ZCCHC7: variants seen among roughly 807,000 people sequenced by gnomAD.
ZCCHC7 encodes zinc finger CCHC domain-containing protein 7.
ZCCHC7 carries 35 observed loss-of-function variants against 52.0 expected under a neutral mutation model. That is an observed-to-expected ratio of 0.67 (90% confidence interval 0.51 to 0.89). ZCCHC7 has a LOEUF of 0.89. Among genes scored for constraint, ZCCHC7 ranks in the 40% least tolerant of loss-of-function variants. The probability of loss-of-function intolerance (pLI) is 0.00; values close to 1 mark genes in which losing one functional copy is unlikely to be tolerated. For missense variants in ZCCHC7, 574 were observed against 649.1 expected (o/e 0.88, Z 1.26); for synonymous variants, 217 against 221.5 (o/e 0.98, Z 0.18).
chr9:37,269,703 C>T (rs1407389593), intron 2 of ZCCHC7, among the ~76,000 whole-genome samples: 1 of 144,448 alleles, frequency 6.9e-6, no homozygotes, highest in Admixed American at 7.1e-5. Flanking sequence ...AGTGAGGTGA[C>T]AGTGAAGAAA....
chr9:37,229,868 G>A (rs1205563831), intron 2 of ZCCHC7, among the ~76,000 whole-genome samples: 1 of 152,128 alleles, frequency 6.6e-6, no homozygotes, highest in Non-Finnish European at 1.5e-5. Flanking sequence ...GTGTAGCTAT[G>A]CAAAAATAAT....
intron 6 of ZCCHC7, among the ~76,000 whole-genome samples, chr9:37,346,272 G>C (rs1820966211): frequency 6.6e-6 from 1 of 152,018 alleles, no homozygotes. Context: ...CAAAGTACAG[G>C]GATTATAGGC....
At chr9:37,323,904 G>A (rs1830144011) in intron 5 of ZCCHC7, among the ~76,000 whole-genome samples, 1 of 152,230 alleles carries the variant, frequency 6.6e-6, no homozygotes, top group South Asian at 2.1e-4. Context: ...GTAGCTATAA[G>A]TCTATGAAGA....
intron 3 of ZCCHC7, 94 bp downstream of exon 3, chr9:37,302,325 G>T: frequency 9.6e-7 from 1 of 1,040,204 alleles, no homozygotes; most frequent in East Asian, 2.4e-5. Context: ...AGTTTAAGTG[G>T]CTTATAAGAA....
Position 37,126,519 on chromosome 9 carries a change from G to T in ZCCHC7, c.187G>T (p.Glu63Ter), listed in dbSNP as rs1187099416. 2 of 1,613,870 alleles carry T rather than the reference G, an allele frequency of 1.2e-6. No homozygotes were observed. Among genetic ancestry groups the T allele is most frequent in the Admixed American group, 3.3e-5 (2 of 60,030 alleles). The change falls in exon 2 of 9, where the codon GAA becomes TAA. Residue 63 changes from glutamate (E) to a stop codon, truncating the protein, a stop_gained. Transcript: ENST00000336755. LOFTEE classifies it high-confidence loss of function. ...TGAAGAAAAGAACTCTGGGAATTCG[G>T]AATCTTCGAGTAGTAAACCAAATCA... is the stretch of plus-strand genomic sequence containing the variant. The part of the protein sequence containing the change: ...EHEEKNSGNS[E>*]SSSSKPNQKK...
rs574389267 is a variant in ZCCHC7, at chr9:37,226,842, A to G, written c.611-75346A>G. Among the ~76,000 whole-genome samples, 11 of 152,218 alleles carry G rather than the reference A, an allele frequency of 7.2e-5. No homozygotes were observed. In the South Asian group the frequency reaches 1.7e-3, roughly 23 times the overall value. On this transcript the variant is annotated intron_variant, in intron 2 of 8. Transcript: ENST00000336755. The stretch of plus-strand genomic sequence containing the variant: ...TCAGGAGATCGAGACCATTCTGGCT[A>G]ACAAGGTGAAACCCTGTCTCTACTA...
intron 2 of ZCCHC7, among the ~76,000 whole-genome samples, chr9:37,199,690 T>G (rs1823514113): frequency 1.5e-5 from 1 of 67,990 alleles, no homozygotes; most frequent in African/African-American, 5.6e-5. Flanking sequence ...CTGTCTGTCT[T>G]TCTGTCTGTC....
intron 2 of ZCCHC7, among the ~76,000 whole-genome samples, chr9:37,182,810 A>G (rs1822439914): frequency 6.6e-6 from 1 of 152,216 alleles, no homozygotes. Context: ...TGGTGGATAC[A>G]TTGTTAAATC....
chr9:37,294,685 A>G (rs1224290196), intron 2 of ZCCHC7, among the ~76,000 whole-genome samples: 1 of 152,194 alleles, frequency 6.6e-6, no homozygotes, highest in Non-Finnish European at 1.5e-5. Context: ...GTACTTATTC[A>G]TACAGTTGTC....
intron 2 of ZCCHC7, among the ~76,000 whole-genome samples, chr9:37,229,706 A>G (rs2133305023): frequency 6.6e-6 from 1 of 152,346 alleles, no homozygotes. Flanking sequence ...ACATTACTGT[A>G]AATTTTATAA....
chr9:37,252,779 A>G (rs973700805), intron 2 of ZCCHC7, among the ~76,000 whole-genome samples: 2 of 152,178 alleles, frequency 1.3e-5, no homozygotes, highest in Non-Finnish European at 2.9e-5. Flanking sequence ...AAGTGAGGAC[A>G]AACATAGTAC....
chr9:37,171,554 A>G (rs987556980), intron 2 of ZCCHC7, among the ~76,000 whole-genome samples: 19 of 152,030 alleles, frequency 1.2e-4, no homozygotes, highest in Non-Finnish European at 2.2e-4. Flanking sequence ...AGTAGCTGGG[A>G]CTACAGGTGC....
chr9:37,140,195 CT>C (rs907122746), intron 2 of ZCCHC7, among the ~76,000 whole-genome samples: 24 of 152,036 alleles, frequency 1.6e-4, no homozygotes, highest in African/African-American at 5.8e-4. Flanking sequence ...CACAAATGAA[CT>C]TTTGTCAATG....
At chr9:37,149,754 T>C (rs1843603128) in intron 2 of ZCCHC7, among the ~76,000 whole-genome samples, 1 of 152,220 alleles carries the variant, frequency 6.6e-6, no homozygotes, top group Non-Finnish European at 1.5e-5. Context: ...AGCTTGCCTT[T>C]ATATAAAAGT....
intron 2 of ZCCHC7, among the ~76,000 whole-genome samples, chr9:37,267,481 C>T (rs1445030437): frequency 2.0e-5 from 3 of 152,118 alleles, no homozygotes; most frequent in South Asian, 4.2e-4. Context: ...CTCACTTCAG[C>T]CTCGACCTCG....
chr9:37,214,484 G>T (rs1824401057), intron 2 of ZCCHC7, among the ~76,000 whole-genome samples: 1 of 151,648 alleles, frequency 6.6e-6, no homozygotes, highest in South Asian at 2.1e-4. Context: ...GTCTATTCAG[G>T]GTATTTTTAA....
At chr9:37,198,510 C>G (rs534482410) in intron 2 of ZCCHC7, among the ~76,000 whole-genome samples, 4 of 152,346 alleles carry the variant, frequency 2.6e-5, no homozygotes, top group African/African-American at 7.2e-5. Context: ...TTTGTGGTCA[C>G]TTTTGCCCTG....
At chr9:37,324,503 A>G (rs1046745759) in intron 5 of ZCCHC7, among the ~76,000 whole-genome samples, 1 of 152,148 alleles carries the variant, frequency 6.6e-6, no homozygotes, top group African/African-American at 2.4e-5. Context: ...CTCTTAAACG[A>G]TCTAGGTCAT....
Position 37,213,709 on chromosome 9 carries a change from T to C in ZCCHC7, c.610+86767T>C, listed in dbSNP as rs530358508. 1.4e-3 allele frequency among the ~76,000 whole-genome samples: 206 copies of C among 152,284 alleles called. 1 individual carries two copies. The highest frequency in any genetic ancestry group is 2.3e-3 in the Non-Finnish European group (159 of 67,968). On this transcript the variant is annotated intron_variant, in intron 2 of 8. Coordinates refer to ENST00000336755, the MANE Select transcript of ZCCHC7 (RefSeq NM_032226.3). ...GTGCTGTTGTTGACTAGTACCAATATGCCAAGTTTTCACCTCCTGAGAGTG... is the reference window on the plus strand; with the variant it reads ...GTGCTGTTGTTGACTAGTACCAATACGCCAAGTTTTCACCTCCTGAGAGTG...
Sources: gnomAD v4.1 joint callset for allele counts (sites outside exome capture counted in the v4.1 genomes callset) on GRCh38, gnomAD v4.1.1 for gene constraint, MANE v1.5 for transcripts, NCBI Gene and HGNC (gene_info 2026-07-23, HGNC 2026-07-21) for gene names.